Variants in PLXNA1 observed in about 807,000 individuals in gnomAD.
The protein encoded by PLXNA1 is plexin A1, also known as plexin-A1.
Under a neutral mutation model 191.7 loss-of-function variants are expected in PLXNA1, and 77 were observed. The observed-to-expected ratio is 0.40, with a 90% CI of 0.33 to 0.49. PLXNA1 has a LOEUF of 0.49. PLXNA1 is among the 20% of genes least tolerant of loss of function. The probability of loss-of-function intolerance (pLI) is 0.63; values close to 1 mark genes in which losing one functional copy is unlikely to be tolerated. For missense variants in PLXNA1, 2,110 were observed against 2,660.2 expected (o/e 0.79, Z 4.55); for synonymous variants, 1,137 against 1,156.4 (o/e 0.98, Z 0.34).
At chr3:127,004,830 C>T in intron 5 of PLXNA1, 55 bp from the exon 6 acceptor site, 6 of 1,568,328 alleles carry the variant, frequency 3.8e-6, no homozygotes, top group Non-Finnish European at 5.2e-6. Context: ...TCCCGCCTGG[C>T]AGGCGGGCCC....
At chr3:127,023,957 T>C (rs1260387874) in intron 23 of PLXNA1, among the ~76,000 whole-genome samples, 1 of 152,004 alleles carries the variant, frequency 6.6e-6, no homozygotes, top group East Asian at 1.9e-4. Flanking sequence ...AGGTGGGACA[T>C]TTATGTGTAT....
chr3:127,031,643 C>T (rs1404347972), intron 29 of PLXNA1, among the ~76,000 whole-genome samples: 3 of 152,226 alleles, frequency 2.0e-5, no homozygotes, highest in Non-Finnish European at 4.4e-5. Flanking sequence ...GCAGCCACCC[C>T]AACCTGTCCC....
In PLXNA1 at chr3:127,012,171, G is replaced by C. The variant is rs756504829; in HGVS notation, c.2313+13G>C. On this transcript the variant is annotated intron_variant, in intron 10 of 31. Coordinates refer to ENST00000393409, the MANE Select transcript of PLXNA1 (RefSeq NM_032242.4). Reference sequence around the variant, plus strand: ...CCAGAATTCCTCGGTGAGGTGGCCAGGGCAGGGGCTGGGGGCCGTGAGCCG... The same window carrying C: ...CCAGAATTCCTCGGTGAGGTGGCCACGGCAGGGGCTGGGGGCCGTGAGCCG... 15 of 1,607,634 alleles carry C rather than the reference G, an allele frequency of 9.3e-6. No individual in the cohort carries two copies. The highest frequency in any genetic ancestry group is 1.3e-5 in the Non-Finnish European group (15 of 1,176,954).
chr3:127,025,636 C>G (rs894514629), intron 23 of PLXNA1, among the ~76,000 whole-genome samples: 2 of 152,224 alleles, frequency 1.3e-5, no homozygotes, highest in African/African-American at 4.8e-5. Flanking sequence ...TGGAACCATT[C>G]TACTCTCTGT....
intron 27 of PLXNA1, 110 bp from the exon 28 acceptor site, chr3:127,029,764 A>T: frequency 7.5e-7 from 1 of 1,338,466 alleles, no homozygotes; most frequent in East Asian, 2.5e-5. Flanking sequence ...GGCTGCCCCA[A>T]AATCCCACAT....
chr3:126,999,760 G>A (rs1176887852), intron 3 of PLXNA1, among the ~76,000 whole-genome samples: 1 of 152,078 alleles, frequency 6.6e-6, no homozygotes, highest in Non-Finnish European at 1.5e-5. Context: ...GTGTCCTGGG[G>A]GCAAAGGGGT....
rs375859367 is a variant in PLXNA1, at chr3:126,988,613, G to T, written c.20G>T (p.Ser7Ile). The T allele has an allele frequency of 3.6e-4, 560 of 1,553,174 alleles. 5 individuals carry two copies. The Middle Eastern group carries it at 5.5e-3, about 15-fold the overall frequency. MPLPPR[S>I]LQVLLLLLLL... The stretch of plus-strand genomic sequence containing the variant: ...CCTGCCATGCCGCTGCCACCGCGGA[G>T]CCTGCAGGTGCTCCTGCTGCTGCTG... Residue 7 changes from serine (S) to isoleucine (I), a missense_variant, in exon 2 of 32, where the codon AGC (serine) becomes ATC (isoleucine). By Grantham distance (142) the Ser-to-Ile change is moderately radical. Coordinates refer to ENST00000393409, the MANE Select transcript of PLXNA1 (RefSeq NM_032242.4).
chr3:127,022,705 T>A, intron 22 of PLXNA1, 47 bp from the exon 23 acceptor site: 1 of 1,555,222 alleles, frequency 6.4e-7, no homozygotes, highest in Non-Finnish European at 8.9e-7. Context: ...CTGTGCCTGC[T>A]GGACAGCTGG....
intron 5 of PLXNA1, 46 bp downstream of exon 5, chr3:127,004,757 G>A: frequency 6.3e-7 from 1 of 1,584,688 alleles, no homozygotes; most frequent in Non-Finnish European, 8.6e-7. Context: ...GGGCCATGGT[G>A]GTCTCACAGT....
rs2079050302 is a variant in PLXNA1 at position 127,003,406 on chromosome 3, C to T, written c.1454C>T (p.Pro485Leu). The change falls in exon 4 of 32, where the codon CCC becomes CTC. Residue 485 changes from proline to leucine, a missense_variant. By Grantham distance (98) the Pro-to-Leu change is moderately conservative (BLOSUM62 -3). Transcript: ENST00000393409. The stretch of plus-strand genomic sequence containing the variant: ...AGCGTCGTGGCCCAGGAGGGCAGCC[C>T]CATCCTGCGAGACCTCGTCCTCAGC... ...YESVVAQEGSPILRDLVLSPN... is the reference protein window; with the variant it reads ...YESVVAQEGSLILRDLVLSPN... 1.9e-6 allele frequency: 3 copies of T among 1,611,768 alleles called. No homozygotes were observed. The highest frequency in any genetic ancestry group is 1.7e-4 in the Middle Eastern group (1 of 6,050).
chr3:126,997,991 G>A (rs184984097), intron 3 of PLXNA1, among the ~76,000 whole-genome samples: 31 of 152,320 alleles, frequency 2.0e-4, no homozygotes, highest in African/African-American at 7.2e-4. Flanking sequence ...AGGCACATGG[G>A]GCCTGTGGTC....
At position 127,028,273 on chromosome 3, in the gene PLXNA1, G is replaced by A. The variant is rs1251963260; in HGVS notation, c.4602G>A (p.Lys1534=). Residue 1534 remains lysine (K), a synonymous_variant, in exon 25 of 32, where the codon AAG becomes AAA. Transcript: ENST00000393409. ...ACACGGTCACCCAGGCCAAGGAGAA[G>A]CTGCTGGACGCTGCCTACAAGGGCG... ...DCDTVTQAKE[K]LLDAAYKGVP... is the part of the protein sequence containing the mutation. The A allele has an allele frequency of 6.2e-7, 1 of 1,612,854 alleles. No individual in the cohort carries two copies. Among genetic ancestry groups the A allele is most frequent in the Non-Finnish European group, 8.5e-7 (1 of 1,179,990 alleles).
chr3:127,030,221 T>G, intron 28 of PLXNA1, 22 bp from the exon 29 acceptor site: 1 of 1,609,626 alleles, frequency 6.2e-7, no homozygotes, highest in Non-Finnish European at 8.5e-7. Context: ...TGGGGCTCAG[T>G]GTCCCTGCCT....
rs546614822 is a variant in PLXNA1 at position 127,034,143 on chromosome 3, G to A, written c.*126G>A. On this transcript the variant is annotated 3_prime_UTR_variant, in exon 32 of 32. Coordinates refer to ENST00000393409, the MANE Select transcript of PLXNA1 (RefSeq NM_032242.4). ...GGCCGCCGCAGTGCAGCGACTGCCC[G>A]GCCCTCCCTCCCCTGCCTCACCCGG... 13 of 836,272 alleles carry A rather than the reference G, an allele frequency of 1.6e-5. No individual in the cohort carries two copies. Among genetic ancestry groups the A allele is most frequent in the Admixed American group, 1.0e-4 (4 of 38,102 alleles). The allele number at this position is 836,272 out of a possible 1,614,324, so 51.8% of individuals were successfully genotyped here.
In PLXNA1 at chr3:127,004,866, T is replaced by C. The variant is rs1178052385; in HGVS notation, c.1620-19T>C. 1.3e-6 allele frequency: 2 copies of C among 1,576,610 alleles called. No individual in the cohort carries two copies. The highest frequency in any genetic ancestry group is 1.7e-6 in the Non-Finnish European group (2 of 1,159,616). On this transcript the variant is annotated intron_variant, in intron 5 of 31. Transcript: ENST00000393409. ...CGTAGGTCTCCCCATCCGCCCAGCC[T>C]CAACCCCTCTGCCTGCAGCTGCTCG... is the stretch of plus-strand genomic sequence containing the variant.
intron 12 of PLXNA1, 24 bp downstream of exon 12, chr3:127,014,399 A>G (rs2079111503): frequency 6.6e-7 from 1 of 1,505,446 alleles, no homozygotes; most frequent in African/African-American, 1.4e-5. Context: ...CCCTGCCCCC[A>G]CACCCCATGC....
chr3:126,995,614 G>C (rs991235718), intron 3 of PLXNA1, among the ~76,000 whole-genome samples: 2 of 152,262 alleles, frequency 1.3e-5, no homozygotes, highest in African/African-American at 2.4e-5. Context: ...TGAGCACCCG[G>C]TTTTTCAAGA....
intron 12 of PLXNA1, 44 bp downstream of exon 12, chr3:127,014,419 C>CACCACCGCACACCCTACGCCCTGT: frequency 1.3e-6 from 2 of 1,571,634 alleles, no homozygotes; most frequent in South Asian, 2.3e-5. Flanking sequence ...CCCCGCCCTG[C>CACCACCGCACACCCTACGCCCTGT]ACCACCGCAC....
At chr3:126,991,595 G>C (rs527269533) in intron 3 of PLXNA1, 29 bp downstream of exon 3, 1 of 1,533,420 alleles carries the variant, frequency 6.5e-7, no homozygotes, top group Admixed American at 1.9e-5. Flanking sequence ...GGGGTGAGGA[G>C]GGGGCTTGGG....
Sources: allele counts gnomAD v4.1 joint callset (sites outside exome capture counted in the v4.1 genomes callset), GRCh38; gene constraint gnomAD v4.1.1; transcripts MANE v1.5; gene names NCBI Gene and HGNC (gene_info 2026-07-23, HGNC 2026-07-21).